Variants in STARD9 observed in about 807,000 individuals in gnomAD.
STARD9 encodes StAR related lipid transfer domain containing 9.
Under a neutral mutation model 399.8 loss-of-function variants are expected in STARD9, and 346 were observed. That is an observed-to-expected ratio of 0.87 (90% CI 0.79 to 0.95). The LOEUF (loss-of-function observed/expected upper bound fraction) is 0.95. STARD9 is among the 40% of genes least tolerant of loss of function. STARD9 has a pLI of 0.00. For missense variants in STARD9, 5,832 were observed against 5,667.5 expected, an observed-to-expected ratio of 1.03 and a Z score of -0.93; for synonymous variants, 2,203 against 2,143.5, an observed-to-expected ratio of 1.03 and a Z score of -0.77.
rs2060276428 is a variant in STARD9, at chr15:42,674,821, T to C, written c.1550-6T>C. On this transcript the variant is annotated splice_polypyrimidine_tract_variant and splice_region_variant and intron_variant, in intron 17 of 32. Coordinates refer to ENST00000290607, the MANE Select transcript of STARD9 (RefSeq NM_020759.3). ...CCCACCCAAGTGACCACCACCTCTT[T>C]TGTAGTCCTGCAGGGTCAGTGGATT... 5 of 1,521,136 alleles carry C rather than the reference T, an allele frequency of 3.3e-6. No individual in the cohort carries two copies. The highest frequency in any genetic ancestry group is 1.4e-5 in the African/African-American group (1 of 72,522). The allele number at this position is 1,521,136 out of a possible 1,614,324, so 94.2% of individuals were successfully genotyped here.
chr15:42,644,591 G>C (rs1315518674), intron 7 of STARD9, among the ~76,000 whole-genome samples: 1 of 152,152 alleles, frequency 6.6e-6, no homozygotes, highest in Non-Finnish European at 1.5e-5. Context: ...TCTCTTTGCT[G>C]GTGCAGGATT....
Position 42,690,086 on chromosome 15 carries a change from ATGCCCTGAGGCTTCTACTGGCTTTG to A in STARD9, c.8509_8533del (p.Cys2837LysfsTer17). On this transcript the variant is annotated frameshift_variant, in exon 23 of 33. Coordinates refer to ENST00000290607, the MANE Select transcript of STARD9 (RefSeq NM_020759.3). LOFTEE classifies it high-confidence loss of function. ...CAGGGCCTAAGCAAGACCATGTCCAATGCCCTGAGGCTTCTACTGGCTTTGAAGAAGGTAGGGCAAGTCCCAAACA... is the reference window on the plus strand; with the variant it reads ...CAGGGCCTAAGCAAGACCATGTCCAAAAGAAGGTAGGGCAAGTCCCAAACA... The A allele has an allele frequency of 6.5e-7, 1 of 1,537,676 alleles. No individual in the cohort carries two copies. Among genetic ancestry groups the A allele is most frequent in the Non-Finnish European group, 8.7e-7 (1 of 1,147,006 alleles).
chr15:42,692,300 C>T lies in STARD9; in HGVS notation c.10722C>T (p.Ser3574=), dbSNP rs1159352999. 2.0e-6 allele frequency: 3 copies of T among 1,536,920 alleles called. No individual in the cohort carries two copies. In the Admixed American group the frequency reaches 5.9e-5, roughly 30 times the overall value. Residue 3574 remains serine (S), a synonymous_variant, in exon 23 of 33, where the codon AGC becomes AGT. Coordinates refer to ENST00000290607, the MANE Select transcript of STARD9 (RefSeq NM_020759.3). ...TAGGAGACCCCCACATCCCGACGAG[C>T]CCTGAAGGAGTAGCCCCCACTTCGG... ...IALGDPHIPT[S]PEGVAPTSGH...
Position 42,684,605 on chromosome 15 carries a change from C to T in STARD9, c.3027C>T (p.Ser1009=). The T allele has an allele frequency of 3.3e-6, 5 of 1,537,244 alleles. No individual in the cohort carries two copies. The highest frequency in any genetic ancestry group is 4.4e-6 in the Non-Finnish European group (5 of 1,146,898). The change falls in exon 23 of 33, where the codon TCC becomes TCT. Residue 1009 remains serine, a synonymous_variant. Transcript: ENST00000290607. ...CTGCTAAGGGAGCCAGTTGCAATTC[C>T]TTGTATCCTCATGGACCCAGGCAGA... ...HKAAKGASCN[S]LYPHGPRQTA... is the part of the protein sequence containing the mutation.
Position 42,693,782 on chromosome 15 carries a change from A to G in STARD9, c.12204A>G (p.Glu4068=), listed in dbSNP as rs2060773740. 1 of 1,536,066 alleles carries G rather than the reference A, an allele frequency of 6.5e-7. No homozygotes were observed. Among genetic ancestry groups the G allele is most frequent in the African/African-American group, 1.4e-5 (1 of 73,006 alleles). ...GTGAGAGTTCAGCATCTCCAGGGGA[A>G]CCACAACGCACTCTGGACCGACCTT... ...NGGESSASPG[E]PQRTLDRPSS... The change falls in exon 23 of 33, where the codon GAA becomes GAG. Residue 4068 remains glutamate (E), a synonymous_variant. Coordinates refer to ENST00000290607, the MANE Select transcript of STARD9 (RefSeq NM_020759.3).
At chr15:42,593,319 T>C (rs1010392873) in intron 3 of STARD9, among the ~76,000 whole-genome samples, 2 of 152,178 alleles carry the variant, frequency 1.3e-5, no homozygotes, top group Non-Finnish European at 2.9e-5. Context: ...CGGCGTATTG[T>C]GTTTGGGTGA....
intron 2 of STARD9, among the ~76,000 whole-genome samples, chr15:42,584,198 G>T (rs1454936305): frequency 6.6e-6 from 1 of 152,100 alleles, no homozygotes; most frequent in African/African-American, 2.4e-5. Context: ...TGGCAAAACA[G>T]AGTTATTTGG....
chr15:42,659,890 G>C (rs943294829), intron 9 of STARD9, among the ~76,000 whole-genome samples: 1 of 152,100 alleles, frequency 6.6e-6, no homozygotes, highest in Non-Finnish European at 1.5e-5. Context: ...GTTTATCCAA[G>C]AGCAATGTCC....
In STARD9 at chr15:42,685,291, T is replaced by G; in HGVS notation, c.3713T>G (p.Leu1238Arg). ...DEIPTETFWHLEDSSLPVMDQ... is the reference protein window; with the variant it reads ...DEIPTETFWHREDSSLPVMDQ... ...ATACCCACAGAGACTTTTTGGCACC[T>G]GGAGGACTCTAGTCTGCCTGTAATG... Residue 1238 changes from leucine (L) to arginine (R), a missense_variant, in exon 23 of 33, where the codon CTG becomes CGG. Leu to Arg is a moderately radical substitution (Grantham distance 102). Transcript: ENST00000290607. The G allele has an allele frequency of 6.5e-7, 1 of 1,537,562 alleles. No individual in the cohort carries two copies. Among genetic ancestry groups the G allele is most frequent in the Non-Finnish European group, 8.7e-7 (1 of 1,146,978 alleles).
intron 3 of STARD9, among the ~76,000 whole-genome samples, chr15:42,619,316 G>C (rs2059036353): frequency 6.6e-6 from 1 of 151,998 alleles, no homozygotes; most frequent in Admixed American, 6.6e-5. Flanking sequence ...GCTTTTTCCA[G>C]AATCTCATAC....
chr15:42,681,966 GC>G, intron 21 of STARD9, 137 bp from the exon 22 acceptor site: 2 of 649,862 alleles, frequency 3.1e-6, no homozygotes, highest in South Asian at 3.9e-5. Context: ...TAGCCCTGCA[GC>G]CCTCACCCTG....
At chr15:42,585,397 G>A (rs2058254439) in intron 2 of STARD9, 124 bp from the exon 3 acceptor site, 1 of 554,788 alleles carries the variant, frequency 1.8e-6, no homozygotes, top group Admixed American at 3.2e-5. Flanking sequence ...TTTTCAGGAA[G>A]ATAATATAAA....
intron 3 of STARD9, among the ~76,000 whole-genome samples, chr15:42,600,526 CTTTTTTT>C (rs796979908): frequency 1.4e-5 from 2 of 139,520 alleles, no homozygotes; most frequent in South Asian, 2.3e-4. Context: ...TTCTTTCTTT[CTTTTTTT>C]TTTTTTTTTG....
At position 42,638,735 on chromosome 15, in the gene STARD9, T is replaced by C. The variant is rs73406598; in HGVS notation, c.482T>C (p.Leu161Pro). ...ATCTATAATGAACGGGTGCGGGATC[T>C]GTTGAAGCAATCTGGTCAAAAAAAG... ...LEIYNERVRD[L>P]LKQSGQKKSY... Residue 161 changes from leucine (L) to proline (P), a missense_variant, in exon 7 of 33, where the codon CTG becomes CCG. This residue lies in a region of STARD9 where 5,828 missense variants were observed against 5,651.1 expected (regional missense o/e 1.03). Coordinates refer to ENST00000290607, the MANE Select transcript of STARD9 (RefSeq NM_020759.3). 2 of 1,536,604 alleles carry C rather than the reference T, an allele frequency of 1.3e-6. No individual in the cohort carries two copies. Among genetic ancestry groups the C allele is most frequent in the African/African-American group, 2.7e-5 (2 of 73,140 alleles).
Position 42,685,605 on chromosome 15 carries a change from T to TCG in STARD9, c.4028_4029insGC (p.Lys1344LeufsTer11). 1 of 1,537,518 alleles carries TCG rather than the reference T, an allele frequency of 6.5e-7. No individual in the cohort carries two copies. Among genetic ancestry groups the TCG allele is most frequent in the East Asian group, 2.4e-5 (1 of 40,916 alleles). ...CATGGATTCCTGGTTTTCCTGTGAC[T>TCG]CTAAGATCAACCCCAGCAGCCCCCC... On this transcript the variant is annotated frameshift_variant, in exon 23 of 33. Transcript: ENST00000290607. LOFTEE classifies it high-confidence loss of function.
At chr15:42,715,803 G>C (rs2061338761) in intron 26 of STARD9, among the ~76,000 whole-genome samples, 2 of 152,092 alleles carry the variant, frequency 1.3e-5, no homozygotes, top group South Asian at 4.1e-4. Context: ...CCACCGCCCG[G>C]CCCCCAAATT....
rs771467900 is a variant in STARD9, at chr15:42,692,174, C to T, written c.10596C>T (p.Tyr3532=). 3.2e-5 allele frequency: 49 copies of T among 1,536,952 alleles called. No homozygotes were observed. Among genetic ancestry groups the T allele is most frequent in the South Asian group, 7.1e-5 (6 of 84,064 alleles). The change falls in exon 23 of 33, where the codon TAC becomes TAT. Residue 3532 remains tyrosine, a synonymous_variant. Coordinates refer to ENST00000290607, the MANE Select transcript of STARD9 (RefSeq NM_020759.3). ...CTTTCCACTCCCACCTCAGCACTTA[C>T]GCCAATATTTGTGATCTGTCAACCA... The part of the protein sequence containing the change: ...NSPFHSHLST[Y]ANICDLSTTH...
intron 3 of STARD9, among the ~76,000 whole-genome samples, chr15:42,603,050 G>A (rs952656124): frequency 6.6e-6 from 1 of 152,058 alleles, no homozygotes; most frequent in Non-Finnish European, 1.5e-5. Flanking sequence ...CTGGAGTTTG[G>A]CCTCATATAT....
chr15:42,586,481 C>T (rs181165266), intron 3 of STARD9, among the ~76,000 whole-genome samples: 1 of 152,304 alleles, frequency 6.6e-6, no homozygotes, highest in East Asian at 1.9e-4. Context: ...TCTGAAGCAG[C>T]AGTGTTGTCT....
Sources: allele counts gnomAD v4.1 joint callset (sites outside exome capture counted in the v4.1 genomes callset), GRCh38; gene constraint gnomAD v4.1.1; regional missense constraint gnomAD v4.1.1; transcripts MANE v1.5; gene names NCBI Gene and HGNC (gene_info 2026-07-23, HGNC 2026-07-21).